PLCB4: variants seen among roughly 807,000 people sequenced by gnomAD.
PLCB4 encodes phospholipase C beta 4, also known as 1-phosphatidylinositol 4,5-bisphosphate phosphodiesterase beta-4.
A neutral mutation model predicts 178.8 loss-of-function variants in PLCB4; 77 were observed. The observed-to-expected ratio is 0.43, with a 90% confidence interval of 0.36 to 0.52. The LOEUF (loss-of-function observed/expected upper bound fraction) is 0.52, where lower values mean the gene tolerates loss of function less well. PLCB4 is among the 20% of genes least tolerant of loss of function. The pLI is 0.00. For missense variants in PLCB4, 1,024 were observed against 1,453.4 expected (o/e 0.70, Z 4.80); for synonymous variants, 496 against 490.8 (o/e 1.01, Z -0.14).
chr20:9,442,832 A>G (rs1452915134), intron 30 of PLCB4, among the ~76,000 whole-genome samples: 1 of 152,218 alleles, frequency 6.6e-6, no homozygotes, highest in Non-Finnish European at 1.5e-5. Flanking sequence ...TCCCTCAGCC[A>G]AAACTTTCCT....
chr20:9,144,097 AG>A (rs1178200023), intron 2 of PLCB4, among the ~76,000 whole-genome samples: 1 of 152,100 alleles, frequency 6.6e-6, no homozygotes, highest in East Asian at 1.9e-4. Flanking sequence ...ATCTTTTCCC[AG>A]GGGATGCAGA....
In PLCB4 at chr20:9,081,840, A is replaced by G. The variant is rs534584369; in HGVS notation, c.-135+12634A>G. Among the ~76,000 whole-genome samples the G allele has an allele frequency of 6.1e-4, 92 of 150,636 alleles. 1 individual carries two copies. The highest frequency in any genetic ancestry group is 2.2e-3 in the African/African-American group (91 of 41,166). ...GACCTATTAAAGAAAAAAGTATTTC[A>G]TGATTATTTACACTGGTCATTGAAA... On this transcript the variant is annotated intron_variant, in intron 1 of 39. Transcript: ENST00000378473.
At chr20:9,416,108 G>A (rs900517028) in intron 25 of PLCB4, among the ~76,000 whole-genome samples, 2 of 152,170 alleles carry the variant, frequency 1.3e-5, no homozygotes, top group African/African-American at 4.8e-5. Flanking sequence ...CATTTCACCG[G>A]AGCATGCCTG....
intron 28 of PLCB4, among the ~76,000 whole-genome samples, chr20:9,432,224 G>C (rs1307323823): frequency 6.6e-6 from 1 of 152,126 alleles, no homozygotes; most frequent in Non-Finnish European, 1.5e-5. Flanking sequence ...ATACAAAAAT[G>C]CTTGGTTAGG....
At chr20:9,344,766 G>A (rs780260017) in intron 7 of PLCB4, among the ~76,000 whole-genome samples, 8 of 152,152 alleles carry the variant, frequency 5.3e-5, no homozygotes, top group South Asian at 2.1e-4. Flanking sequence ...AATCCATGAC[G>A]AGACTGGAGG....
chr20:9,359,875 C>T (rs2148217534), intron 7 of PLCB4, among the ~76,000 whole-genome samples: 1 of 152,248 alleles, frequency 6.6e-6, no homozygotes, highest in South Asian at 2.1e-4. Flanking sequence ...AACAAAACTC[C>T]AGGGCTCTAC....
chr20:9,358,967 A>G (rs1361745896), intron 7 of PLCB4, among the ~76,000 whole-genome samples: 1 of 152,162 alleles, frequency 6.6e-6, no homozygotes, highest in East Asian at 1.9e-4. Context: ...AATATACGTC[A>G]TGAGATTTGG....
chr20:9,243,036 T>C (rs2094083554), intron 3 of PLCB4, among the ~76,000 whole-genome samples: 5 of 152,180 alleles, frequency 3.3e-5, no homozygotes, highest in Admixed American at 6.5e-5. Context: ...AACAAGTAAA[T>C]TTTTTAGTGT....
intron 17 of PLCB4, among the ~76,000 whole-genome samples, chr20:9,392,527 G>A (rs1309738413): frequency 6.6e-6 from 1 of 152,142 alleles, no homozygotes; most frequent in Non-Finnish European, 1.5e-5. Context: ...AGCATGAATA[G>A]GCCTTATATT....
In PLCB4 at chr20:9,395,621, G is replaced by A. The variant is rs754857612; in HGVS notation, c.1510+3G>A. ...TAATGAAGAGGAGATCGAAAGTGGTGAGCTGTTTGCTTTTATTTTAAGTTA... is the reference window on the plus strand; with the variant it reads ...TAATGAAGAGGAGATCGAAAGTGGTAAGCTGTTTGCTTTTATTTTAAGTTA... On this transcript the variant is annotated splice_donor_region_variant and intron_variant, in intron 19 of 39. Transcript: ENST00000378473. 4.4e-6 allele frequency: 7 copies of A among 1,592,398 alleles called. No individual in the cohort carries two copies. The highest frequency in any genetic ancestry group is 1.1e-5 in the South Asian group (1 of 90,598).
chr20:9,338,893 G>A lies in PLCB4; in HGVS notation c.226-1G>A. ...TTTTCTATCTGTGTACCTCTATACA[G>A]GATCCCAAAATCTTGGCTGCTCTTG... On this transcript the variant is annotated splice_acceptor_variant, in intron 6 of 39. Coordinates refer to ENST00000378473, the MANE Select transcript of PLCB4 (RefSeq NM_001377142.1). LOFTEE classifies it high-confidence loss of function. The A allele has an allele frequency of 6.2e-7, 1 of 1,612,678 alleles. No homozygotes were observed. The highest frequency in any genetic ancestry group is 8.5e-7 in the Non-Finnish European group (1 of 1,179,176).
chr20:9,086,872 A>C (rs1261911187), intron 1 of PLCB4, among the ~76,000 whole-genome samples: 1 of 152,216 alleles, frequency 6.6e-6, no homozygotes, highest in Non-Finnish European at 1.5e-5. Context: ...GTTTAAATGA[A>C]GGGCTTAGGC....
chr20:9,363,853 T>G (rs976382062), intron 8 of PLCB4, among the ~76,000 whole-genome samples: 1 of 152,186 alleles, frequency 6.6e-6, no homozygotes, highest in African/African-American at 2.4e-5. Context: ...TTCATCATAC[T>G]CACTTGGCAA....
chr20:9,402,597 G>A lies in PLCB4; in HGVS notation c.1611+1007G>A, dbSNP rs144826275. 1.6e-4 allele frequency among the ~76,000 whole-genome samples: 24 copies of A among 152,344 alleles called. 1 individual carries two copies. In the East Asian group the frequency reaches 4.6e-3, roughly 29 times the overall value. On this transcript the variant is annotated intron_variant, in intron 20 of 39. Transcript: ENST00000378473. ...GACTAGTTTAGGAGGAAACAGGAGTGGAAGCAGGAAAAGCAGTGAGGACAG... is the reference window on the plus strand; with the variant it reads ...GACTAGTTTAGGAGGAAACAGGAGTAGAAGCAGGAAAAGCAGTGAGGACAG...
At chr20:9,405,927 A>G (rs1819901607) in intron 21 of PLCB4, among the ~76,000 whole-genome samples, 1 of 152,224 alleles carries the variant, frequency 6.6e-6, no homozygotes, top group Non-Finnish European at 1.5e-5. Flanking sequence ...TTCGGAAAAT[A>G]CTGCCTTGCT....
intron 7 of PLCB4, among the ~76,000 whole-genome samples, chr20:9,344,607 C>G (rs1407860092): frequency 1.3e-5 from 2 of 152,176 alleles, no homozygotes; most frequent in Non-Finnish European, 2.9e-5. Flanking sequence ...TTGTACAGTT[C>G]AGTTGTTAGA....
At chr20:9,153,207 A>G (rs2092720742) in intron 2 of PLCB4, among the ~76,000 whole-genome samples, 1 of 152,000 alleles carries the variant, frequency 6.6e-6, no homozygotes. Flanking sequence ...ATGAGTTAAG[A>G]CTTTGGGGGG....
chr20:9,279,677 G>A (rs118039509), intron 3 of PLCB4, among the ~76,000 whole-genome samples: 2,959 of 152,026 alleles, frequency 0.019, 39 homozygotes, highest in Middle Eastern at 0.051. Context: ...TTAAATCCAA[G>A]TAAGATATTT....
chr20:9,431,634 TTGTG>T (rs1276476011), intron 28 of PLCB4, among the ~76,000 whole-genome samples: 2 of 138,572 alleles, frequency 1.4e-5, no homozygotes, highest in Non-Finnish European at 3.1e-5. Flanking sequence ...CGGGGCCAAT[TTGTG>T]TGTGTGTGTG....
Sources: gnomAD v4.1 joint callset for allele counts (sites outside exome capture counted in the v4.1 genomes callset) on GRCh38, gnomAD v4.1.1 for gene constraint, MANE v1.5 for transcripts, NCBI Gene and HGNC (gene_info 2026-07-23, HGNC 2026-07-21) for gene names.